Variants in STAG1 observed in about 807,000 individuals in gnomAD.
STAG1 encodes the protein STAG1 cohesin complex component, also known as cohesin subunit SA-1.
In STAG1, 26 loss-of-function variants were observed where a neutral mutation model predicts 170.9. The observed-to-expected ratio is 0.15, with a 90% CI of 0.11 to 0.21. The LOEUF is 0.21. Ranked by LOEUF, STAG1 falls within the 10% of genes least tolerant of loss-of-function variation. The pLI, the probability that STAG1 is intolerant of heterozygous loss-of-function variation, is 1.00. For missense variants in STAG1, 964 were observed against 1,509.5 expected (o/e 0.64, Z 5.99); for synonymous variants, 514 against 497.7 (o/e 1.03, Z -0.44).
At chr3:136,741,863 T>C (rs1286946194) in intron 1 of STAG1, among the ~76,000 whole-genome samples, 2 of 152,132 alleles carry the variant, frequency 1.3e-5, no homozygotes, top group African/African-American at 4.8e-5. Context: ...GAAAAAGATA[T>C]ATTATGGAAA....
chr3:136,404,004 C>T (rs545061103), intron 21 of STAG1, among the ~76,000 whole-genome samples: 2 of 152,294 alleles, frequency 1.3e-5, no homozygotes, highest in African/African-American at 4.8e-5. Context: ...TATAGCTTAT[C>T]AGACACCATT....
intron 7 of STAG1, among the ~76,000 whole-genome samples, chr3:136,508,505 T>C (rs911694387): frequency 5.3e-5 from 8 of 152,044 alleles, no homozygotes; most frequent in Non-Finnish European, 8.8e-5. Context: ...CTGGGTAACA[T>C]AGCAAGACTC....
chr3:136,732,697 C>T (rs376180716), intron 1 of STAG1, among the ~76,000 whole-genome samples: 2 of 152,102 alleles, frequency 1.3e-5, no homozygotes, highest in African/African-American at 4.8e-5. Flanking sequence ...GCAACCTCTA[C>T]CTCCCAGTTT....
chr3:136,470,528 A>G (rs2089599325), intron 12 of STAG1, among the ~76,000 whole-genome samples: 5 of 152,216 alleles, frequency 3.3e-5, no homozygotes, highest in Admixed American at 3.3e-4. Context: ...ACACTTTTAC[A>G]CTGTTGGTAG....
intron 9 of STAG1, 80 bp from the exon 10 acceptor site, chr3:136,477,492 A>C (rs2089782225): frequency 7.9e-7 from 1 of 1,273,288 alleles, no homozygotes; most frequent in African/African-American, 1.5e-5. Context: ...ATAAGCAATA[A>C]ATATTTCTAA....
chr3:136,692,344 A>G (rs1282366971), intron 1 of STAG1, among the ~76,000 whole-genome samples: 4 of 139,584 alleles, frequency 2.9e-5, no homozygotes, highest in Non-Finnish European at 6.1e-5. Context: ...AAAAAAGTCA[A>G]TTGCAGTGGG....
At chr3:136,592,592 A>G (rs1430951985) in intron 4 of STAG1, among the ~76,000 whole-genome samples, 3 of 152,144 alleles carry the variant, frequency 2.0e-5, no homozygotes, top group Admixed American at 6.5e-5. Context: ...CTATCTTCTT[A>G]TATTTCCCCA....
intron 5 of STAG1, among the ~76,000 whole-genome samples, chr3:136,548,131 TG>T (rs1297123320): frequency 6.6e-6 from 1 of 151,862 alleles, no homozygotes; most frequent in African/African-American, 2.4e-5. Context: ...TTTTTTTTTT[TG>T]AGACAGGGTC....
chr3:136,369,648 T>TATAAC (rs142074826), intron 23 of STAG1, among the ~76,000 whole-genome samples: 178 of 152,278 alleles, frequency 1.2e-3, no homozygotes, highest in African/African-American at 2.5e-3. Context: ...ACAAAATTGA[T>TATAAC]AGATTATAAC....
intron 1 of STAG1, among the ~76,000 whole-genome samples, chr3:136,694,649 G>C (rs1266636560): frequency 6.6e-6 from 1 of 151,832 alleles, no homozygotes; most frequent in African/African-American, 2.4e-5. Flanking sequence ...AGACAGTCTG[G>C]TAAACTTGAA....
intron 28 of STAG1, among the ~76,000 whole-genome samples, chr3:136,354,754 C>CAAAAAAAAAAAAAACA (rs1936573649): frequency 4.6e-4 from 3 of 6,506 alleles, no homozygotes; most frequent in Non-Finnish European, 7.3e-4. Context: ...GAGAAAGAAC[C>CAAAAAAAAAAAAAACA]AAAAAAAAAA....
chr3:136,360,190 A>T (rs1439663368), intron 26 of STAG1, among the ~76,000 whole-genome samples: 1 of 152,202 alleles, frequency 6.6e-6, no homozygotes, highest in Non-Finnish European at 1.5e-5. Context: ...ATCTGTAGAC[A>T]TCTACCTTTC....
chr3:136,629,327 T>C (rs1432424060), intron 2 of STAG1, among the ~76,000 whole-genome samples: 1 of 152,110 alleles, frequency 6.6e-6, no homozygotes, highest in African/African-American at 2.4e-5. Flanking sequence ...TTACATTAAG[T>C]ACTTTTCTGG....
chr3:136,549,904 T>A (rs1029572771), intron 5 of STAG1, among the ~76,000 whole-genome samples: 1 of 152,218 alleles, frequency 6.6e-6, no homozygotes, highest in Admixed American at 6.5e-5. Context: ...TTTATAAAAC[T>A]CTTTGTCTGG....
At chr3:136,603,092 T>A (rs1938749887) in intron 4 of STAG1, among the ~76,000 whole-genome samples, 1 of 151,898 alleles carries the variant, frequency 6.6e-6, no homozygotes, top group Admixed American at 6.6e-5. Flanking sequence ...TAAACACCCT[T>A]AAGGGCTTCA....
At chr3:136,640,530 G>A (rs1430301662) in intron 1 of STAG1, among the ~76,000 whole-genome samples, 8 of 150,856 alleles carry the variant, frequency 5.3e-5, no homozygotes, top group African/African-American at 2.0e-4. Flanking sequence ...CACCATGCCC[G>A]GCTAATTTTT....
intron 6 of STAG1, among the ~76,000 whole-genome samples, chr3:136,522,974 G>GA (rs2107909439): frequency 6.6e-6 from 1 of 152,218 alleles, no homozygotes; most frequent in African/African-American, 2.4e-5. Flanking sequence ...ATCATTGATG[G>GA]ACATGTGGGT....
chr3:136,441,803 C>A (rs1040362462), intron 15 of STAG1, among the ~76,000 whole-genome samples: 4 of 152,016 alleles, frequency 2.6e-5, no homozygotes, highest in African/African-American at 7.2e-5. Context: ...ATATAAGGTA[C>A]ACAAGGAAAT....
intron 1 of STAG1, among the ~76,000 whole-genome samples, chr3:136,673,040 G>A (rs946660352): frequency 6.6e-6 from 1 of 152,216 alleles, no homozygotes; most frequent in Non-Finnish European, 1.5e-5. Flanking sequence ...CTCATTAAGA[G>A]ATGGGGCATC....
Sources: gnomAD v4.1 joint callset for allele counts (sites outside exome capture counted in the v4.1 genomes callset) on GRCh38, gnomAD v4.1.1 for gene constraint, MANE v1.5 for transcripts, NCBI Gene and HGNC (gene_info 2026-07-23, HGNC 2026-07-21) for gene names.